LRRC37A2: variants seen among roughly 807,000 people sequenced by gnomAD.
The protein encoded by LRRC37A2 is leucine-rich repeat-containing protein 37A2.
LRRC37A2 carries 9 observed loss-of-function variants against 68.8 expected under a neutral mutation model. The observed-to-expected ratio is 0.13, with a 90% confidence interval of 0.08 to 0.23. The LOEUF (loss-of-function observed/expected upper bound fraction) is 0.23, where lower values mean the gene tolerates loss of function less well. Among genes scored for constraint, LRRC37A2 ranks in the 10% least tolerant of loss-of-function variants. LRRC37A2 has a pLI of 1.00. For synonymous variants in LRRC37A2, 63 were observed against 367.6 expected, an observed-to-expected ratio of 0.17 and a Z score of 9.48; for missense variants, 168 against 950.4, an observed-to-expected ratio of 0.18 and a Z score of 10.82.
At chr17:47,044,731 C>T in the LRRC37A2 span, among the ~76,000 whole-genome samples, 2 of 151,388 alleles carry the variant, frequency 1.3e-5, no homozygotes, top group South Asian at 4.2e-4. Flanking sequence ...AAAAAGAATA[C>T]CAAAAATTTT....
the LRRC37A2 span, among the ~76,000 whole-genome samples, chr17:46,985,335 A>G: frequency 6.6e-6 from 1 of 152,096 alleles, no homozygotes; most frequent in Non-Finnish European, 1.5e-5. Context: ...CCTGACCAAC[A>G]TGGTGAAACC....
the LRRC37A2 span, chr17:46,938,570 G>GTT: frequency 2.5e-6 from 4 of 1,578,504 alleles, no homozygotes; most frequent in Non-Finnish European, 1.7e-6. Context: ...CTTGATGTTT[G>GTT]TTTTTTTTTC....
At chr17:46,725,017 A>G in the LRRC37A2 span, among the ~76,000 whole-genome samples, 526 of 152,316 alleles carry the variant, frequency 3.5e-3, 4 homozygotes, top group African/African-American at 0.012. Context: ...ACTCTCTAAT[A>G]AGGCATTATA....
chr17:46,716,450 G>T, the LRRC37A2 span, among the ~76,000 whole-genome samples: 1 of 152,084 alleles, frequency 6.6e-6, no homozygotes, highest in South Asian at 2.1e-4. Context: ...GTAGAGATGG[G>T]GTTTCACCGT....
the LRRC37A2 span, among the ~76,000 whole-genome samples, chr17:46,824,495 C>T: frequency 6.6e-6 from 1 of 152,212 alleles, no homozygotes; most frequent in Middle Eastern, 3.2e-3. Context: ...GTGGTACGCC[C>T]GCCTTGGCCT....
At chr17:46,424,266 A>AATATAC in the LRRC37A2 span, among the ~76,000 whole-genome samples, 1 of 100,778 alleles carries the variant, frequency 9.9e-6, no homozygotes, top group African/African-American at 3.5e-5. Flanking sequence ...AAACATCTTA[A>AATATAC]ATATACACCT....
chr17:46,740,824 G>T, the LRRC37A2 span, among the ~76,000 whole-genome samples: 2 of 152,046 alleles, frequency 1.3e-5, no homozygotes, highest in Non-Finnish European at 2.9e-5. Flanking sequence ...ACCACGTCCA[G>T]CTAATTTTTG....
chr17:46,915,478 G>T, the LRRC37A2 span, among the ~76,000 whole-genome samples: 144,380 of 152,266 alleles, frequency 0.95, 68,933 homozygotes, highest in East Asian at 1. Context: ...TAAGACCAGC[G>T]CAGGTTTAGA....
At chr17:46,713,950 C>T in the LRRC37A2 span, 2 of 1,604,918 alleles carry the variant, frequency 1.2e-6, no homozygotes, top group Non-Finnish European at 1.7e-6. Context: ...AAATGATTGG[C>T]TTTTCTGAAA....
the LRRC37A2 span, chr17:46,929,507 C>A: frequency 3.4e-6 from 5 of 1,461,522 alleles, no homozygotes; most frequent in Admixed American, 6.7e-5. Context: ...TTTCCTCCCT[C>A]TTCCTTTGAT....
chr17:46,780,095 T>C, the LRRC37A2 span, among the ~76,000 whole-genome samples: 2 of 152,208 alleles, frequency 1.3e-5, no homozygotes, highest in African/African-American at 4.8e-5. Flanking sequence ...AATCAGTGAA[T>C]TCAGGTCAGC....
the LRRC37A2 span, chr17:46,721,697 T>C: frequency 6.2e-7 from 1 of 1,607,292 alleles, no homozygotes; most frequent in Non-Finnish European, 8.5e-7. Flanking sequence ...TTTGTCCAAA[T>C]GAACCTTTAT....
chr17:46,848,813 G>A, the LRRC37A2 span, among the ~76,000 whole-genome samples: 12 of 152,202 alleles, frequency 7.9e-5, no homozygotes, highest in East Asian at 3.8e-4. Context: ...CACCTGCTAC[G>A]TCAGCTCTCC....
the LRRC37A2 span, among the ~76,000 whole-genome samples, chr17:47,003,546 G>C: frequency 2.6e-5 from 4 of 152,266 alleles, no homozygotes; most frequent in Non-Finnish European, 4.4e-5. Context: ...GTGTTGAGCA[G>C]AGAAGATGGA....
chr17:46,938,164 G>A, the LRRC37A2 span, among the ~76,000 whole-genome samples: 4 of 152,166 alleles, frequency 2.6e-5, no homozygotes, highest in African/African-American at 9.6e-5. Context: ...CGCCTGGCCT[G>A]TTTGCAGTTT....
the LRRC37A2 span, among the ~76,000 whole-genome samples, chr17:46,899,047 G>A: frequency 6.6e-6 from 1 of 152,150 alleles, no homozygotes; most frequent in African/African-American, 2.4e-5. Flanking sequence ...TAAACAAATT[G>A]TGGTATATCC....
At chr17:46,845,913 TCTGAGTAGCTGGGATTA>T in the LRRC37A2 span, among the ~76,000 whole-genome samples, 1 of 150,896 alleles carries the variant, frequency 6.6e-6, no homozygotes, top group East Asian at 2.0e-4. Context: ...GCTTCAGCCA[TCTGAGTAGCTGGGATTA>T]CAGGCACCTG....
chr17:46,936,821 A>T, the LRRC37A2 span: 1 of 984,960 alleles, frequency 1.0e-6, no homozygotes, highest in Non-Finnish European at 1.2e-6. Context: ...CTCTGATGGC[A>T]ATGAAGTTTG....
the LRRC37A2 span, among the ~76,000 whole-genome samples, chr17:46,677,630 AT>A: frequency 1.4e-4 from 1 of 7,084 alleles, no homozygotes; most frequent in Admixed American, 1.5e-3. Flanking sequence ...GTAGTGGCAA[AT>A]TAGGTCATTT....
Sources: gnomAD v4.1 joint callset for allele counts (sites outside exome capture counted in the v4.1 genomes callset) on GRCh38, gnomAD v4.1.1 for gene constraint, MANE v1.5 for transcripts, NCBI Gene and HGNC (gene_info 2026-07-23, HGNC 2026-07-21) for gene names.